The following THBS4 variants were observed in gnomAD, a reference collection of about 807,000 sequenced individuals.
The protein encoded by THBS4 is thrombospondin 4.
A neutral mutation model predicts 115.7 loss-of-function variants in THBS4; 90 were observed. The ratio of observed to expected loss-of-function variants is 0.78; its 90% CI spans 0.66 to 0.93. The LOEUF (loss-of-function observed/expected upper bound fraction) is 0.93, where lower values mean the gene tolerates loss of function less well. THBS4 is among the 40% of genes least tolerant of loss of function. The pLI, the probability that THBS4 is intolerant of heterozygous loss-of-function variation, is 0.00. For synonymous variants in THBS4, 460 were observed against 479.3 expected (o/e 0.96, Z 0.53); for missense variants, 1,087 against 1,232.7 (o/e 0.88, Z 1.77).
chr5:80,077,365 A>T (rs996584880), intron 16 of THBS4, among the ~76,000 whole-genome samples: 3 of 152,178 alleles, frequency 2.0e-5, no homozygotes, highest in Admixed American at 2.0e-4. Flanking sequence ...CCACCATCTT[A>T]CCTGTCACCT....
At chr5:80,008,691 T>C (rs1237142123) in intron 2 of THBS4, among the ~76,000 whole-genome samples, 1 of 152,176 alleles carries the variant, frequency 6.6e-6, no homozygotes, top group Non-Finnish European at 1.5e-5. Context: ...GTTAATTCTT[T>C]GTTGTGAGGG....
chr5:80,071,186 T>C lies in THBS4; in HGVS notation c.1720+6T>C. ...TGATGACATGGATGGAGATGGTAGA[T>C]TTATCTTGCTTTTGTCTTTTATTTG... On this transcript the variant is annotated splice_donor_region_variant and intron_variant, in intron 13 of 21. Transcript: ENST00000350881. 1 of 1,565,132 alleles carries C rather than the reference T, an allele frequency of 6.4e-7. No individual in the cohort carries two copies. Among genetic ancestry groups the C allele is most frequent in the East Asian group, 2.3e-5 (1 of 43,586 alleles).
intron 7 of THBS4, 38 bp downstream of exon 7, chr5:80,059,943 A>T (rs1180511354): frequency 6.3e-7 from 1 of 1,576,550 alleles, no homozygotes; most frequent in South Asian, 1.1e-5. Context: ...ATCCCTAAGT[A>T]TCCTCCTCAC....
At chr5:80,016,524 A>G (rs147964808) in intron 2 of THBS4, among the ~76,000 whole-genome samples, 1 of 152,146 alleles carries the variant, frequency 6.6e-6, no homozygotes, top group South Asian at 2.1e-4. Context: ...AACAAATTCA[A>G]CTGTTTCACT....
At chr5:80,038,477 A>G (rs1352218732) in intron 1 of THBS4, among the ~76,000 whole-genome samples, 1 of 152,110 alleles carries the variant, frequency 6.6e-6, no homozygotes, top group Non-Finnish European at 1.5e-5. Context: ...TTCGGTTTTG[A>G]TATTGTAAAT....
Position 80,055,978 on chromosome 5 carries a change from C to A in THBS4, c.486C>A (p.Gly162=). The part of the protein sequence containing the change: ...SVHNLPRAFA[G]PSQKPETIEL... ...ACAATCTCCCCAGGGCCTTTGCTGG[C>A]CCCTCCCAGAAACCTGAGACCATTG... is the stretch of plus-strand genomic sequence containing the variant. Residue 162 remains glycine, a synonymous_variant, in exon 3 of 22, where the codon GGC becomes GGA. Coordinates refer to ENST00000350881, the MANE Select transcript of THBS4 (RefSeq NM_003248.6). The A allele has an allele frequency of 6.2e-7, 1 of 1,613,776 alleles. No homozygotes were observed. Among genetic ancestry groups the A allele is most frequent in the Non-Finnish European group, 8.5e-7 (1 of 1,179,716 alleles).
intron 2 of THBS4, among the ~76,000 whole-genome samples, chr5:80,043,505 G>A (rs916864156): frequency 1.3e-5 from 2 of 152,138 alleles, no homozygotes; most frequent in African/African-American, 2.4e-5. Context: ...CGTGGAAAAC[G>A]GTGAAACAGA....
rs745348977 is a variant in THBS4, at chr5:80,055,908, G to C, written c.416G>C (p.Gly139Ala). The change falls in exon 3 of 22, where the codon GGC becomes GCC. Residue 139 changes from glycine (G) to alanine (A), a missense_variant. Coordinates refer to ENST00000350881, the MANE Select transcript of THBS4 (RefSeq NM_003248.6). ...LRLSNLQRGA[G>A]SLELYLDCIQ... Reference sequence around the variant, plus strand: ...CTGAGCAATTTGCAGCGAGGGGCCGGCTCCCTAGAGCTCTACCTGGACTGC... The same window carrying C: ...CTGAGCAATTTGCAGCGAGGGGCCGCCTCCCTAGAGCTCTACCTGGACTGC... 1.2e-6 allele frequency: 2 copies of C among 1,614,188 alleles called. No homozygotes were observed. The highest frequency in any genetic ancestry group is 2.2e-5 in the East Asian group (1 of 44,882).
chr5:80,013,131 TTTTTGTTTTG>T (rs1041335299), intron 2 of THBS4, among the ~76,000 whole-genome samples: 3 of 152,048 alleles, frequency 2.0e-5, no homozygotes, highest in South Asian at 2.1e-4. Flanking sequence ...TGTTTTTTGT[TTTTTGTTTTG>T]TTTTGTTTTG....
intron 2 of THBS4, among the ~76,000 whole-genome samples, chr5:80,017,394 A>G (rs1398960575): frequency 6.6e-6 from 1 of 152,138 alleles, no homozygotes; most frequent in African/African-American, 2.4e-5. Context: ...TCTTTGCTCA[A>G]TTTCTTCCAT....
chr5:79,993,192 C>T (rs986727856), intron 1 of THBS4, among the ~76,000 whole-genome samples: 2 of 152,182 alleles, frequency 1.3e-5, no homozygotes, highest in Non-Finnish European at 2.9e-5. Flanking sequence ...TAAATCTCTT[C>T]CCTTAGTGTT....
chr5:80,062,583 G>A (rs751884168), intron 8 of THBS4, among the ~76,000 whole-genome samples: 1 of 152,092 alleles, frequency 6.6e-6, no homozygotes, highest in Non-Finnish European at 1.5e-5. Flanking sequence ...TATGCACAAC[G>A]TGCAGGTTTG....
Position 80,082,432 on chromosome 5 carries a change from T to TG in THBS4, c.2713dup (p.Val905GlyfsTer3). 1.2e-6 allele frequency: 2 copies of TG among 1,614,170 alleles called. No homozygotes were observed. Among genetic ancestry groups the TG allele is most frequent in the Non-Finnish European group, 1.7e-6 (2 of 1,179,990 alleles). ...GTACGATTTTATGAAGGCTCTGAGTTGGTGGCTGACTCTGGCGTCACCATA... is the reference window on the plus strand; with the variant it reads ...GTACGATTTTATGAAGGCTCTGAGTTGGGTGGCTGACTCTGGCGTCACCATA... On this transcript the variant is annotated frameshift_variant, in exon 21 of 22. Transcript: ENST00000350881. LOFTEE classifies it high-confidence loss of function.
At chr5:80,065,809 AGTATTTTACTG>A (rs1390597108) in intron 9 of THBS4, among the ~76,000 whole-genome samples, 1 of 152,226 alleles carries the variant, frequency 6.6e-6, no homozygotes, top group Non-Finnish European at 1.5e-5. Flanking sequence ...TTAATAGTTC[AGTATTTTACTG>A]GTGACTACAC....
chr5:80,056,067 A>G (rs1833423522), intron 3 of THBS4, 35 bp downstream of exon 3: 19 of 1,563,918 alleles, frequency 1.2e-5, no homozygotes, highest in Non-Finnish European at 1.6e-5. Context: ...GAAGTGGAAA[A>G]ATGAGCTGCC....
intron 16 of THBS4, 47 bp from the exon 17 acceptor site, chr5:80,078,002 T>C (rs778054360): frequency 6.9e-7 from 1 of 1,448,252 alleles, no homozygotes. Context: ...GGAGTGGCGG[T>C]GGGTGTGAGC....
intron 2 of THBS4, among the ~76,000 whole-genome samples, chr5:80,013,020 CAT>C (rs1479061593): frequency 6.6e-6 from 1 of 152,226 alleles, no homozygotes; most frequent in Non-Finnish European, 1.5e-5. Flanking sequence ...TGCTGGAACA[CAT>C]GAGACTTCTC....
upstream of THBS4, chr5:80,033,301 A>G: frequency 3.5e-6 from 1 of 289,434 alleles, no homozygotes; most frequent in Non-Finnish European, 7.4e-6. Context: ...CATTGTCCTC[A>G]CCATGGAGAT....
chr5:80,077,189 T>A (rs1743261432), intron 16 of THBS4, 141 bp downstream of exon 16: 6 of 767,404 alleles, frequency 7.8e-6, no homozygotes, highest in Non-Finnish European at 1.2e-5. Flanking sequence ...CTTCTCTGCA[T>A]AGCTGCAGCT....
Sources: gnomAD v4.1 joint callset for allele counts (sites outside exome capture counted in the v4.1 genomes callset) on GRCh38, gnomAD v4.1.1 for gene constraint, MANE v1.5 for transcripts, NCBI Gene and HGNC (gene_info 2026-07-23, HGNC 2026-07-21) for gene names.